The following IL1RAPL1 variants were observed in gnomAD, a reference collection of about 807,000 sequenced individuals.
IL1RAPL1 encodes the protein interleukin-1 receptor accessory protein-like 1.
Under a neutral mutation model 48.4 loss-of-function variants are expected in IL1RAPL1, and 3 were observed. That is an observed-to-expected ratio of 0.06 (90% CI 0.03 to 0.16). IL1RAPL1 has a LOEUF of 0.16. IL1RAPL1 is among the 10% of genes least tolerant of loss of function. The pLI is 1.00. For synonymous variants in IL1RAPL1, 185 were observed against 187.7 expected, an observed-to-expected ratio of 0.99 and a Z score of 0.12; for missense variants, 349 against 530.6, an observed-to-expected ratio of 0.66 and a Z score of 3.36.
chrX:29,327,510 T>C (rs1472225158), intron 3 of IL1RAPL1, among the ~76,000 whole-genome samples: 1 of 103,968 alleles, frequency 9.6e-6, no homozygotes, highest in Admixed American at 1.1e-4. Context: ...TTATTACTTT[T>C]TTGAATAGGT....
intron 1 of IL1RAPL1, among the ~76,000 whole-genome samples, chrX:28,637,743 C>A (rs1333200631): frequency 1.8e-5 from 2 of 112,065 alleles, no homozygotes; most frequent in African/African-American, 6.5e-5. Context: ...GTGTTTGCGT[C>A]CTACTGTTGC....
At chrX:28,964,608 T>G (rs138309115) in intron 2 of IL1RAPL1, among the ~76,000 whole-genome samples, 1 of 111,957 alleles carries the variant, frequency 8.9e-6, no homozygotes, top group Non-Finnish European at 1.9e-5. Context: ...TTTCTAGATA[T>G]TTCCAAATTA....
At chrX:28,808,741 A>G (rs750964959) in intron 2 of IL1RAPL1, among the ~76,000 whole-genome samples, 1 of 110,980 alleles carries the variant, frequency 9.0e-6, no homozygotes, top group East Asian at 2.8e-4. Context: ...AGCCTTTTAA[A>G]TTTATACCTC....
Position 29,956,666 on chromosome X carries a change from CAT to C in IL1RAPL1, c.*856_*857del, listed in dbSNP as rs1173443893. On this transcript the variant is annotated 3_prime_UTR_variant, in exon 11 of 11. Coordinates refer to ENST00000378993, the MANE Select transcript of IL1RAPL1 (RefSeq NM_014271.4). ...GTTGATGTACCCTTATATATATATA[CAT>C]ATATATATAAATATAAATATATATA... 2.3e-5 allele frequency: 2 copies of C among 87,102 alleles called. No individual in the cohort carries two copies. The highest frequency in any genetic ancestry group is 4.3e-5 in the Non-Finnish European group (2 of 46,117). 7.2% of individuals were successfully genotyped at this position (87,102 alleles called of 1,213,427 possible).
rs753836511 is a variant in IL1RAPL1, at chrX:28,750,877, G to T, written c.-24-38443G>T. On this transcript the variant is annotated intron_variant, in intron 1 of 10. Coordinates refer to ENST00000378993, the MANE Select transcript of IL1RAPL1 (RefSeq NM_014271.4). Reference sequence around the variant, plus strand: ...AGTGAGCCAAAAATGTTTGTCAGTAGTACTGGTTAAATATTGAAATTATAT... The same window carrying T: ...AGTGAGCCAAAAATGTTTGTCAGTATTACTGGTTAAATATTGAAATTATAT... Among the ~76,000 whole-genome samples the T allele has an allele frequency of 2.7e-5, 3 of 112,092 alleles. No homozygotes were observed. In the Admixed American group the frequency reaches 2.8e-4, roughly 11 times the overall value.
chrX:29,270,315 G>A (rs1019990254), intron 2 of IL1RAPL1, among the ~76,000 whole-genome samples: 1 of 111,806 alleles, frequency 8.9e-6, no homozygotes, highest in Non-Finnish European at 1.9e-5. Flanking sequence ...TCTTTTATGA[G>A]TTATGCTTTT....
chrX:29,199,876 G>A (rs1930520530), intron 2 of IL1RAPL1, among the ~76,000 whole-genome samples: 1 of 111,580 alleles, frequency 9.0e-6, no homozygotes, highest in Admixed American at 9.5e-5. Context: ...ACTGGATTTA[G>A]GAAAAAATTT....
intron 5 of IL1RAPL1, among the ~76,000 whole-genome samples, chrX:29,575,984 G>C (rs1026907961): frequency 8.9e-6 from 1 of 112,257 alleles, no homozygotes; most frequent in African/African-American, 3.2e-5. Flanking sequence ...TCATAGTTTT[G>C]AGTGTCTGAA....
At chrX:28,997,522 CA>C (rs952276521) in intron 2 of IL1RAPL1, among the ~76,000 whole-genome samples, 3 of 110,776 alleles carry the variant, frequency 2.7e-5, no homozygotes, top group African/African-American at 9.9e-5. Flanking sequence ...TATATGGCCT[CA>C]AAAAGAGAAA....
rs191524620 is a variant in IL1RAPL1, at chrX:28,744,271, G to A, written c.-24-45049G>A. Reference sequence around the variant, plus strand: ...TAGTTGTTAATTGTCTGTACTATGGGTTTAACAAAAACACATTAAAACTAA... The same window carrying A: ...TAGTTGTTAATTGTCTGTACTATGGATTTAACAAAAACACATTAAAACTAA... On this transcript the variant is annotated intron_variant, in intron 1 of 10. Coordinates refer to ENST00000378993, the MANE Select transcript of IL1RAPL1 (RefSeq NM_014271.4). 9.0e-5 allele frequency among the ~76,000 whole-genome samples: 10 copies of A among 111,533 alleles called. No individual in the cohort carries two copies. In the East Asian group the frequency reaches 2.8e-3, roughly 31 times the overall value.
intron 3 of IL1RAPL1, among the ~76,000 whole-genome samples, chrX:29,354,077 A>G (rs1002044182): frequency 1.8e-5 from 2 of 110,767 alleles, no homozygotes; most frequent in African/African-American, 6.5e-5. Context: ...GTGCGTTTTA[A>G]TTGTTATCTT....
At chrX:28,837,140 A>G (rs1349419569) in intron 2 of IL1RAPL1, among the ~76,000 whole-genome samples, 2 of 111,561 alleles carry the variant, frequency 1.8e-5, no homozygotes, top group African/African-American at 3.3e-5. Flanking sequence ...TGGAATGGTT[A>G]AATCACACTA....
intron 5 of IL1RAPL1, among the ~76,000 whole-genome samples, chrX:29,660,199 C>T (rs780084476): frequency 8.9e-6 from 1 of 111,786 alleles, no homozygotes; most frequent in South Asian, 3.7e-4. Context: ...GATTACAATT[C>T]GACATGAGAT....
intron 1 of IL1RAPL1, among the ~76,000 whole-genome samples, chrX:28,720,215 A>G (rs1374429952): frequency 9.0e-6 from 1 of 111,053 alleles, no homozygotes; most frequent in Non-Finnish European, 1.9e-5. Flanking sequence ...GAGACAGGCC[A>G]GAATCAAATT....
intron 2 of IL1RAPL1, among the ~76,000 whole-genome samples, chrX:28,983,601 C>G (rs1224838836): frequency 9.0e-6 from 1 of 111,515 alleles, no homozygotes; most frequent in African/African-American, 3.3e-5. Flanking sequence ...GCATTTTTGC[C>G]CATCTATTTT....
chrX:29,183,784 C>T (rs1373513769), intron 2 of IL1RAPL1, among the ~76,000 whole-genome samples: 1 of 112,338 alleles, frequency 8.9e-6, no homozygotes, highest in Non-Finnish European at 1.9e-5. Context: ...ACTTCTGCCT[C>T]CCGGGTTCAA....
At chrX:29,851,970 C>T (rs2147199025) in intron 6 of IL1RAPL1, among the ~76,000 whole-genome samples, 1 of 112,757 alleles carries the variant, frequency 8.9e-6, no homozygotes, top group Admixed American at 9.4e-5. Flanking sequence ...TAGTGATGCT[C>T]TTAAAGTGTT....
chrX:28,665,218 T>A (rs1442389207), intron 1 of IL1RAPL1, among the ~76,000 whole-genome samples: 1 of 111,023 alleles, frequency 9.0e-6, no homozygotes, highest in African/African-American at 3.3e-5. Context: ...ACTAAGGCAC[T>A]GAGGCACTGT....
chrX:29,393,979 A>G (rs1353293873), intron 3 of IL1RAPL1, among the ~76,000 whole-genome samples: 3 of 110,623 alleles, frequency 2.7e-5, no homozygotes, highest in Non-Finnish European at 3.8e-5. Context: ...TGTGAAGCTC[A>G]AGCTAAAACT....
Sources: allele counts gnomAD v4.1 joint callset (sites outside exome capture counted in the v4.1 genomes callset), GRCh38; gene constraint gnomAD v4.1.1; transcripts MANE v1.5; gene names NCBI Gene and HGNC (gene_info 2026-07-23, HGNC 2026-07-21).